Variants in DSCAM observed in about 807,000 individuals in gnomAD.
DSCAM encodes DS cell adhesion molecule.
Under a neutral mutation model 217.7 loss-of-function variants are expected in DSCAM, and 47 were observed. The ratio of observed to expected loss-of-function variants is 0.22; its 90% CI spans 0.17 to 0.28. The LOEUF is 0.28. DSCAM is among the 10% of genes least tolerant of loss of function. DSCAM has a pLI of 1.00. For missense variants in DSCAM, 2,080 were observed against 2,618.3 expected, an observed-to-expected ratio of 0.79 and a Z score of 4.49; for synonymous variants, 1,056 against 1,015.3, an observed-to-expected ratio of 1.04 and a Z score of -0.76.
At chr21:40,194,911 C>T (rs1465189556) in intron 11 of DSCAM, among the ~76,000 whole-genome samples, 1 of 152,078 alleles carries the variant, frequency 6.6e-6, no homozygotes, top group Non-Finnish European at 1.5e-5. Flanking sequence ...TTTCTCCATC[C>T]TCTCCCCCTC....
At chr21:40,070,803 T>C (rs1177040717) in intron 27 of DSCAM, among the ~76,000 whole-genome samples, 1 of 152,218 alleles carries the variant, frequency 6.6e-6, no homozygotes, top group Non-Finnish European at 1.5e-5. Flanking sequence ...TCTCATAACC[T>C]ACCCCTTAAT....
chr21:40,441,288 A>C (rs1439639765), intron 3 of DSCAM, among the ~76,000 whole-genome samples: 1 of 151,848 alleles, frequency 6.6e-6, no homozygotes, highest in Non-Finnish European at 1.5e-5. Context: ...TCACCCCTCA[A>C]CCCCATCCTG....
In DSCAM at chr21:40,075,064, G is replaced by A. The variant is rs757899407; in HGVS notation, c.4861C>T (p.Arg1621Trp). 3 of 1,614,134 alleles carry A rather than the reference G, an allele frequency of 1.9e-6. No homozygotes were observed. The highest frequency in any genetic ancestry group is 2.5e-6 in the Non-Finnish European group (3 of 1,180,024). ...CGCAGCCTCTTTAGCCTCTGCTCCC[G>A]CCGCCTCCTCCGCACAACCAGCAGG... Reference protein sequence around the residue: ...VLLLVVRRRRREQRLKRLRDA... With the variant: ...VLLLVVRRRRWEQRLKRLRDA... The change falls in exon 27 of 33, where the codon CGG (arginine) becomes TGG (tryptophan). Residue 1621 changes from arginine (R) to tryptophan (W), a missense_variant. By Grantham distance (101) the Arg-to-Trp change is moderately radical (BLOSUM62 -3). This residue lies in a region of DSCAM where 1,144 missense variants were observed against 1,421.1 expected (regional missense o/e 0.81). Coordinates refer to ENST00000400454, the MANE Select transcript of DSCAM (RefSeq NM_001389.5).
At chr21:40,191,981 A>T (rs554073046) in intron 11 of DSCAM, among the ~76,000 whole-genome samples, 47 of 152,302 alleles carry the variant, frequency 3.1e-4, no homozygotes, top group African/African-American at 9.9e-4. Flanking sequence ...CTATTTCCAT[A>T]TAAGGTCATA....
At chr21:40,538,028 T>A (rs970595737) in intron 3 of DSCAM, among the ~76,000 whole-genome samples, 1 of 151,982 alleles carries the variant, frequency 6.6e-6, no homozygotes, top group African/African-American at 2.4e-5. Flanking sequence ...GGTAGGTGAG[T>A]GAGTGAGCAG....
chr21:40,197,153 C>G lies in DSCAM; in HGVS notation c.2357-7915G>C, dbSNP rs542741217. Among the ~76,000 whole-genome samples, 84 of 151,826 alleles carry G rather than the reference C, an allele frequency of 5.5e-4. 1 individual carries two copies. In the South Asian group the frequency reaches 8.9e-3, roughly 16 times the overall value. On this transcript the variant is annotated intron_variant, in intron 11 of 32. Coordinates refer to ENST00000400454, the MANE Select transcript of DSCAM (RefSeq NM_001389.5). Reference sequence around the variant, plus strand: ...TTCTTTTTTGAGACGGAGTCTTGCTCTGTGGCCCAGGCTGGAGTGCAGTGT... The same window carrying G: ...TTCTTTTTTGAGACGGAGTCTTGCTGTGTGGCCCAGGCTGGAGTGCAGTGT...
At chr21:40,017,618 A>AT (rs1217864898) in intron 32 of DSCAM, among the ~76,000 whole-genome samples, 1 of 151,284 alleles carries the variant, frequency 6.6e-6, no homozygotes, top group Non-Finnish European at 1.5e-5. Context: ...CTGGAGTGCA[A>AT]CTCGGTTCGC....
At chr21:40,633,560 T>TTCAA (rs1438804333) in intron 3 of DSCAM, among the ~76,000 whole-genome samples, 1 of 152,260 alleles carries the variant, frequency 6.6e-6, no homozygotes, top group African/African-American at 2.4e-5. Context: ...ATGTGTTAAC[T>TTCAA]TCAATGTATT....
chr21:40,439,031 C>A (rs891923424), intron 3 of DSCAM, among the ~76,000 whole-genome samples: 2 of 152,058 alleles, frequency 1.3e-5, no homozygotes, highest in African/African-American at 4.8e-5. Flanking sequence ...TTCTATTGCA[C>A]CATTGTCATA....
intron 3 of DSCAM, among the ~76,000 whole-genome samples, chr21:40,378,759 T>A (rs1316070600): frequency 6.7e-6 from 1 of 149,782 alleles, no homozygotes; most frequent in Non-Finnish European, 1.5e-5. Context: ...GCCCGGCTAA[T>A]TTTTTTTGTA....
intron 28 of DSCAM, among the ~76,000 whole-genome samples, chr21:40,061,581 A>AG (rs1204280520): frequency 9.0e-6 from 1 of 111,384 alleles, no homozygotes; most frequent in East Asian, 3.0e-4. Context: ...AAAAAAAAAA[A>AG]AAAAGAAAAA....
At chr21:40,756,583 G>T (rs1216955065) in intron 1 of DSCAM, among the ~76,000 whole-genome samples, 1 of 151,788 alleles carries the variant, frequency 6.6e-6, no homozygotes, top group East Asian at 1.9e-4. Context: ...GCACAGATGG[G>T]GTTTCATCAT....
Position 40,062,028 on chromosome 21 carries a change from G to T in DSCAM, c.4919+841C>A, listed in dbSNP as rs142828268. Among the ~76,000 whole-genome samples the T allele has an allele frequency of 4.6e-5, 7 of 152,316 alleles. No homozygotes were observed. The East Asian group carries it at 1.4e-3, about 29-fold the overall frequency. ...ATATCAGGGTGAGGTAACACATCAG[G>T]CAATTAATCCATACGTGTAAATGCT... On this transcript the variant is annotated intron_variant, in intron 28 of 32. Transcript: ENST00000400454.
chr21:40,773,632 C>T (rs1197322402), intron 1 of DSCAM, among the ~76,000 whole-genome samples: 1 of 152,234 alleles, frequency 6.6e-6, no homozygotes, highest in Admixed American at 6.5e-5. Context: ...TAACACATTT[C>T]AGCAAAGTGC....
chr21:40,823,010 C>G lies in DSCAM; in HGVS notation c.43+23609G>C, dbSNP rs187909913. 1.1e-4 allele frequency among the ~76,000 whole-genome samples: 16 copies of G among 152,098 alleles called. No homozygotes were observed. The East Asian group carries it at 2.5e-3, about 24-fold the overall frequency. ...ACTAAAAATACAAAAATTAGCCGGG[C>G]TTGGTGGTTCATGCTTGTAATTCCA... On this transcript the variant is annotated intron_variant, in intron 1 of 32. Transcript: ENST00000400454.
At chr21:40,237,483 T>C (rs532550149) in intron 11 of DSCAM, among the ~76,000 whole-genome samples, 1 of 152,116 alleles carries the variant, frequency 6.6e-6, no homozygotes. Flanking sequence ...TCTGTTCTTG[T>C]GTTAGTTTGC....
At chr21:40,135,336 T>C (rs191259009) in intron 18 of DSCAM, among the ~76,000 whole-genome samples, 111 of 152,368 alleles carry the variant, frequency 7.3e-4, no homozygotes, top group African/African-American at 2.4e-3. Context: ...GTGATATGCA[T>C]GCCTGCCTAG....
At chr21:40,200,559 A>G (rs1444836587) in intron 11 of DSCAM, among the ~76,000 whole-genome samples, 1 of 152,196 alleles carries the variant, frequency 6.6e-6, no homozygotes, top group Non-Finnish European at 1.5e-5. Context: ...CTGTCAACGG[A>G]CACTTGTGTT....
chr21:40,777,533 C>A (rs1237592570), intron 1 of DSCAM, among the ~76,000 whole-genome samples: 1 of 152,082 alleles, frequency 6.6e-6, no homozygotes, highest in Non-Finnish European at 1.5e-5. Flanking sequence ...GGATGAAACA[C>A]AATTCAGAAA....
Sources: allele counts gnomAD v4.1 joint callset (sites outside exome capture counted in the v4.1 genomes callset), GRCh38; gene constraint gnomAD v4.1.1; regional missense constraint gnomAD v4.1.1; transcripts MANE v1.5; gene names NCBI Gene and HGNC (gene_info 2026-07-23, HGNC 2026-07-21).